PLCB1: variants seen among roughly 807,000 people sequenced by gnomAD.
The protein encoded by PLCB1 is 1-phosphatidylinositol 4,5-bisphosphate phosphodiesterase beta-1.
In PLCB1, 46 loss-of-function variants were observed where a neutral mutation model predicts 161.8. The ratio of observed to expected loss-of-function variants is 0.28; its 90% CI spans 0.22 to 0.36. The LOEUF is 0.36. Among genes scored for constraint, PLCB1 ranks in the 10% least tolerant of loss-of-function variants. PLCB1 has a pLI of 1.00. For synonymous variants in PLCB1, 517 were observed against 503.7 expected (o/e 1.03, Z -0.35); for missense variants, 1,016 against 1,472.5 (o/e 0.69, Z 5.07).
intron 31 of PLCB1, among the ~76,000 whole-genome samples, chr20:8,881,199 C>A (rs528903516): frequency 6.6e-6 from 1 of 151,834 alleles, no homozygotes; most frequent in Non-Finnish European, 1.5e-5. Context: ...GGAGTTTCAC[C>A]CCATGCTGGT....
chr20:8,653,995 T>G (rs1316063395), intron 7 of PLCB1, among the ~76,000 whole-genome samples: 2 of 152,084 alleles, frequency 1.3e-5, no homozygotes, highest in Non-Finnish European at 2.9e-5. Context: ...AGAACTATGT[T>G]TGATATACTG....
At chr20:8,175,695 A>G (rs1165735351) in intron 2 of PLCB1, among the ~76,000 whole-genome samples, 1 of 152,208 alleles carries the variant, frequency 6.6e-6, no homozygotes, top group Non-Finnish European at 1.5e-5. Context: ...TCTGTGTAAA[A>G]TCCTAAAAAG....
chr20:8,529,328 T>A (rs1302051684), intron 3 of PLCB1, among the ~76,000 whole-genome samples: 1 of 152,042 alleles, frequency 6.6e-6, no homozygotes, highest in Non-Finnish European at 1.5e-5. Context: ...TTAAATTTTC[T>A]CCCATGTTAT....
chr20:8,147,244 G>C (rs1386297500), intron 1 of PLCB1, among the ~76,000 whole-genome samples: 1 of 152,152 alleles, frequency 6.6e-6, no homozygotes, highest in Non-Finnish European at 1.5e-5. Context: ...AGCAATCTGT[G>C]TTTTTACAAG....
chr20:8,573,865 C>A (rs1986596995), intron 3 of PLCB1, among the ~76,000 whole-genome samples: 1 of 152,202 alleles, frequency 6.6e-6, no homozygotes, highest in South Asian at 2.1e-4. Flanking sequence ...CCAAGAATTC[C>A]ATGCTTCTGT....
chr20:8,502,907 A>G (rs1355295024), intron 3 of PLCB1, among the ~76,000 whole-genome samples: 1 of 152,194 alleles, frequency 6.6e-6, no homozygotes, highest in African/African-American at 2.4e-5. Flanking sequence ...TAGAAAATAC[A>G]TAAGCCCAGT....
chr20:8,233,934 A>G (rs1568599884), intron 2 of PLCB1, among the ~76,000 whole-genome samples: 1 of 152,180 alleles, frequency 6.6e-6, no homozygotes, highest in South Asian at 2.1e-4. Context: ...ATTGCTGTAT[A>G]ATATTCCATT....
At chr20:8,624,338 G>A (rs1988271484) in intron 3 of PLCB1, among the ~76,000 whole-genome samples, 1 of 152,094 alleles carries the variant, frequency 6.6e-6, no homozygotes, top group Non-Finnish European at 1.5e-5. Flanking sequence ...ATCCAATAAA[G>A]ATACATTTCA....
intron 3 of PLCB1, among the ~76,000 whole-genome samples, chr20:8,562,054 CA>C (rs749287193): frequency 6.6e-6 from 1 of 151,924 alleles, no homozygotes; most frequent in African/African-American, 2.4e-5. Flanking sequence ...TAGAGAAGAG[CA>C]AACGGTCTTC....
At chr20:8,750,997 G>A (rs1230406538) in intron 23 of PLCB1, 4 of 439,440 alleles carry the variant, frequency 9.1e-6, no homozygotes, top group African/African-American at 2.3e-5. Flanking sequence ...GTGCAGAGGC[G>A]CGATCTCGGC....
intron 16 of PLCB1, among the ~76,000 whole-genome samples, chr20:8,726,526 C>T (rs1003064884): frequency 1.3e-5 from 2 of 152,026 alleles, no homozygotes; most frequent in Non-Finnish European, 2.9e-5. Flanking sequence ...GCGGAAGGCA[C>T]CTCTTCACAG....
intron 24 of PLCB1, 114 bp downstream of exon 24, chr20:8,757,292 T>A: frequency 1.8e-6 from 2 of 1,132,648 alleles, no homozygotes; most frequent in East Asian, 4.9e-5. Flanking sequence ...GAAAGATGTG[T>A]GGACTTAGGA....
chr20:8,690,435 G>A (rs1357641521), intron 10 of PLCB1, among the ~76,000 whole-genome samples: 1 of 152,166 alleles, frequency 6.6e-6, no homozygotes, highest in Non-Finnish European at 1.5e-5. Context: ...TTAGGGAATG[G>A]GGAATGCTGA....
chr20:8,525,598 A>G (rs1434752696), intron 3 of PLCB1, among the ~76,000 whole-genome samples: 1 of 152,192 alleles, frequency 6.6e-6, no homozygotes, highest in Admixed American at 6.5e-5. Context: ...CAGGGAAATC[A>G]CTATACACAA....
In PLCB1 at chr20:8,649,578, A is replaced by G. The variant is rs535280512; in HGVS notation, c.594+129A>G. 8.9e-5 allele frequency: 60 copies of G among 677,532 alleles called. No individual in the cohort carries two copies. The Middle Eastern group carries it at 1.5e-3, about 17-fold the overall frequency. The allele number at this position is 677,532 out of a possible 1,614,324, so 42.0% of individuals were successfully genotyped here. On this transcript the variant is annotated intron_variant, in intron 7 of 31. Coordinates refer to ENST00000338037, the MANE Select transcript of PLCB1 (RefSeq NM_015192.4). ...AGGAAATTAAGAGCTTCCATGATTA[A>G]TGGGTTAATGAATTAATGGATTATC...
intron 3 of PLCB1, among the ~76,000 whole-genome samples, chr20:8,581,579 A>G (rs1986834501): frequency 6.6e-6 from 1 of 152,182 alleles, no homozygotes. Flanking sequence ...ATGGGAAATC[A>G]GGAAGGTAAA....
intron 3 of PLCB1, among the ~76,000 whole-genome samples, chr20:8,566,503 T>G (rs1379661391): frequency 6.6e-6 from 1 of 152,198 alleles, no homozygotes; most frequent in Admixed American, 6.5e-5. Flanking sequence ...AATGAGAGGA[T>G]GATCATCATT....
intron 2 of PLCB1, among the ~76,000 whole-genome samples, chr20:8,282,009 C>A (rs1050924516): frequency 3.3e-5 from 5 of 152,034 alleles, no homozygotes; most frequent in Non-Finnish European, 5.9e-5. Context: ...TTTAAATCAG[C>A]CTTATTTATT....
At position 8,576,249 on chromosome 20, in the gene PLCB1, A is replaced by G. The variant is rs566924737; in HGVS notation, c.247-52045A>G. 1.6e-3 allele frequency among the ~76,000 whole-genome samples: 238 copies of G among 152,274 alleles called. 1 individual carries two copies. The Middle Eastern group carries it at 0.017, about 11-fold the overall frequency. On this transcript the variant is annotated intron_variant, in intron 3 of 31. Coordinates refer to ENST00000338037, the MANE Select transcript of PLCB1 (RefSeq NM_015192.4). ...GCACTTAACCTGATTTTATATCTTA[A>G]TAAAGGAACACTATTTAGGAGTTTG...
Sources: allele counts gnomAD v4.1 joint callset (sites outside exome capture counted in the v4.1 genomes callset), GRCh38; gene constraint gnomAD v4.1.1; transcripts MANE v1.5; gene names NCBI Gene and HGNC (gene_info 2026-07-23, HGNC 2026-07-21).